Variants in PRKG1 observed in about 807,000 individuals in gnomAD.
PRKG1 encodes the protein protein kinase cGMP-dependent 1, also known as cGMP-dependent protein kinase 1.
In PRKG1, 35 loss-of-function variants were observed where a neutral mutation model predicts 88.1. That is an observed-to-expected ratio of 0.40 (90% CI 0.30 to 0.53). The LOEUF (loss-of-function observed/expected upper bound fraction) is 0.53. Among genes scored for constraint, PRKG1 ranks in the 20% least tolerant of loss-of-function variants. The pLI, the probability that PRKG1 is intolerant of heterozygous loss-of-function variation, is 0.59. For missense variants in PRKG1, 540 were observed against 839.8 expected, an observed-to-expected ratio of 0.64 and a Z score of 4.41; for synonymous variants, 303 against 292.5, an observed-to-expected ratio of 1.04 and a Z score of -0.37.
intron 2 of PRKG1, among the ~76,000 whole-genome samples, chr10:51,437,849 T>G (rs1838980929): frequency 6.7e-6 from 1 of 149,618 alleles, no homozygotes; most frequent in Admixed American, 6.7e-5. Context: ...TAATGTGATC[T>G]AGTAGGCAGA....
At chr10:51,890,428 T>G (rs183109435) in intron 4 of PRKG1, among the ~76,000 whole-genome samples, 2 of 152,186 alleles carry the variant, frequency 1.3e-5, no homozygotes, top group Non-Finnish European at 2.9e-5. Context: ...GTCACTTGAC[T>G]GCAAAAATCT....
intron 2 of PRKG1, among the ~76,000 whole-genome samples, chr10:51,466,711 A>T (rs543558462): frequency 3.1e-4 from 47 of 152,154 alleles, no homozygotes; most frequent in African/African-American, 9.9e-4. Flanking sequence ...TAATGTCAAT[A>T]CTCTAAAAGG....
intron 2 of PRKG1, among the ~76,000 whole-genome samples, chr10:51,462,825 A>AT (rs1233364694): frequency 6.6e-6 from 1 of 152,220 alleles, no homozygotes; most frequent in Admixed American, 6.5e-5. Flanking sequence ...TAGAATTCAA[A>AT]TTAAAATGAT....
intron 2 of PRKG1, among the ~76,000 whole-genome samples, chr10:51,234,773 C>A (rs1838939063): frequency 6.6e-6 from 1 of 151,464 alleles, no homozygotes; most frequent in Non-Finnish European, 1.5e-5. Flanking sequence ...TCAAGTCAAC[C>A]AAAAGTATTA....
intron 1 of PRKG1, among the ~76,000 whole-genome samples, chr10:51,057,597 T>A (rs981206993): frequency 6.6e-6 from 1 of 152,204 alleles, no homozygotes; most frequent in Admixed American, 6.5e-5. Context: ...GTAACTATTA[T>A]CTTCACCATT....
chr10:51,253,239 T>A (rs1324515509), intron 2 of PRKG1, among the ~76,000 whole-genome samples: 2 of 151,900 alleles, frequency 1.3e-5, no homozygotes, highest in Admixed American at 1.3e-4. Flanking sequence ...TCAGAAATAA[T>A]TCACCTAATC....
intron 5 of PRKG1, among the ~76,000 whole-genome samples, chr10:51,930,694 T>C (rs914543737): frequency 2.6e-5 from 4 of 152,000 alleles, no homozygotes; most frequent in Non-Finnish European, 5.9e-5. Context: ...TTTCACCATG[T>C]TGGCCAGGCT....
At chr10:52,226,875 G>T (rs1840401891) in intron 9 of PRKG1, among the ~76,000 whole-genome samples, 1 of 152,102 alleles carries the variant, frequency 6.6e-6, no homozygotes, top group Admixed American at 6.6e-5. Context: ...ATTTATTCCT[G>T]AATTCCTTTG....
chr10:51,293,665 A>G (rs1425125663), intron 2 of PRKG1, among the ~76,000 whole-genome samples: 1 of 152,114 alleles, frequency 6.6e-6, no homozygotes, highest in Non-Finnish European at 1.5e-5. Context: ...AGCTATTGTA[A>G]ACAATGATGC....
At chr10:51,387,664 T>C (rs1564471923) in intron 2 of PRKG1, among the ~76,000 whole-genome samples, 1 of 152,198 alleles carries the variant, frequency 6.6e-6, no homozygotes, top group Non-Finnish European at 1.5e-5. Flanking sequence ...GCTTTCTGGC[T>C]GGTTAAGTGC....
intron 3 of PRKG1, among the ~76,000 whole-genome samples, chr10:51,489,387 A>G (rs1465302243): frequency 6.6e-6 from 1 of 152,178 alleles, no homozygotes; most frequent in African/African-American, 2.4e-5. Context: ...AATGAGGCAC[A>G]GTGGGTAGGC....
intron 4 of PRKG1, among the ~76,000 whole-genome samples, chr10:51,817,533 CT>C (rs886599186): frequency 1.3e-5 from 2 of 152,010 alleles, no homozygotes; most frequent in African/African-American, 2.4e-5. Context: ...TGAACTCATC[CT>C]TTTTTTATGG....
chr10:51,466,354 T>A (rs1839904579), intron 2 of PRKG1, among the ~76,000 whole-genome samples: 1 of 152,078 alleles, frequency 6.6e-6, no homozygotes, highest in South Asian at 2.1e-4. Flanking sequence ...CCTTTTGAGT[T>A]GTTGAATTTG....
intron 1 of PRKG1, among the ~76,000 whole-genome samples, chr10:51,112,108 T>A (rs1844993402): frequency 6.6e-6 from 1 of 152,198 alleles, no homozygotes; most frequent in South Asian, 2.1e-4. Flanking sequence ...GAACTTTTCC[T>A]CCTAGTAACT....
intron 10 of PRKG1, among the ~76,000 whole-genome samples, chr10:52,264,440 A>C (rs1315103529): frequency 6.6e-6 from 1 of 151,104 alleles, no homozygotes; most frequent in Non-Finnish European, 1.5e-5. Flanking sequence ...AGAACATTTC[A>C]CTACAGCACT....
At chr10:51,816,703 G>C (rs1839596927) in intron 4 of PRKG1, among the ~76,000 whole-genome samples, 1 of 152,068 alleles carries the variant, frequency 6.6e-6, no homozygotes, top group African/African-American at 2.4e-5. Flanking sequence ...ATAAGTGATA[G>C]AATATTTATG....
chr10:51,918,875 T>A lies in PRKG1; in HGVS notation c.762+11305T>A, dbSNP rs368676438. 2.3e-4 allele frequency among the ~76,000 whole-genome samples: 35 copies of A among 152,258 alleles called. No individual in the cohort carries two copies. In the South Asian group the frequency reaches 7.3e-3, roughly 32 times the overall value. ...TTTTTTTCTTAATCCGAGACATATT[T>A]GTAGCTGCCAGAAAACCTAGCTCAC... On this transcript the variant is annotated intron_variant, in intron 5 of 17. Coordinates refer to ENST00000373980, the MANE Select transcript of PRKG1 (RefSeq NM_006258.4).
intron 3 of PRKG1, among the ~76,000 whole-genome samples, chr10:51,687,682 T>C (rs1301127659): frequency 6.6e-6 from 1 of 152,222 alleles, no homozygotes; most frequent in East Asian, 1.9e-4. Flanking sequence ...CGAATGGTGG[T>C]GGCATTCATT....
intron 2 of PRKG1, among the ~76,000 whole-genome samples, chr10:51,209,050 G>A (rs1372609192): frequency 6.6e-6 from 1 of 152,096 alleles, no homozygotes; most frequent in African/African-American, 2.4e-5. Context: ...CTAACTAGAA[G>A]CCCCTCCAGC....
Sources: allele counts gnomAD v4.1 joint callset (sites outside exome capture counted in the v4.1 genomes callset), GRCh38; gene constraint gnomAD v4.1.1; transcripts MANE v1.5; gene names NCBI Gene and HGNC (gene_info 2026-07-23, HGNC 2026-07-21).